The following RAB3C variants were observed in gnomAD, a reference collection of about 807,000 sequenced individuals.
The protein encoded by RAB3C is ras-related protein Rab-3C.
A neutral mutation model predicts 26.4 loss-of-function variants in RAB3C; 17 were observed. The observed-to-expected ratio is 0.64, with a 90% CI of 0.44 to 0.97. The LOEUF (loss-of-function observed/expected upper bound fraction) is 0.97. Among genes scored for constraint, RAB3C ranks in the 50% least tolerant of loss-of-function variants. RAB3C has a pLI of 0.00. For missense variants in RAB3C, 242 were observed against 281.9 expected (o/e 0.86, Z 1.01); for synonymous variants, 91 against 95.9 (o/e 0.95, Z 0.30).
chr5:58,812,437 C>G lies in RAB3C; in HGVS notation c.372-12601C>G, dbSNP rs538008204. On this transcript the variant is annotated intron_variant, in intron 3 of 4. Coordinates refer to ENST00000282878, the MANE Select transcript of RAB3C (RefSeq NM_138453.4). Reference sequence around the variant, plus strand: ...CAGGAGTAGGTTTTAGCAAACTTTCCAGGTGATTCTAATGCCTGCTAAAGT... The same window carrying G: ...CAGGAGTAGGTTTTAGCAAACTTTCGAGGTGATTCTAATGCCTGCTAAAGT... Among the ~76,000 whole-genome samples, 98 of 152,264 alleles carry G rather than the reference C, an allele frequency of 6.4e-4. 3 individuals carry two copies. The South Asian group carries it at 0.02, about 31-fold the overall frequency.
At chr5:58,807,674 G>T (rs1314377009) in intron 3 of RAB3C, among the ~76,000 whole-genome samples, 1 of 151,968 alleles carries the variant, frequency 6.6e-6, no homozygotes, top group Non-Finnish European at 1.5e-5. Context: ...TGGTGGGGGG[G>T]CAAAACATAT....
chr5:58,735,866 A>T (rs1422576516), intron 3 of RAB3C, among the ~76,000 whole-genome samples: 1 of 152,120 alleles, frequency 6.6e-6, no homozygotes, highest in Non-Finnish European at 1.5e-5. Flanking sequence ...ATTGTTATAC[A>T]TTCCTAATAC....
chr5:58,668,195 C>G (rs1748039726), intron 2 of RAB3C, among the ~76,000 whole-genome samples: 1 of 152,112 alleles, frequency 6.6e-6, no homozygotes, highest in Non-Finnish European at 1.5e-5. Context: ...AAAAATCTGT[C>G]TGTGCTGTCA....
At chr5:58,747,700 A>G (rs1484023808) in intron 3 of RAB3C, among the ~76,000 whole-genome samples, 1 of 151,654 alleles carries the variant, frequency 6.6e-6, no homozygotes, top group African/African-American at 2.4e-5. Flanking sequence ...TATTATTATT[A>G]TTCTTTCTGT....
intron 4 of RAB3C, among the ~76,000 whole-genome samples, chr5:58,835,437 C>T (rs1192070869): frequency 4.6e-5 from 7 of 152,174 alleles, no homozygotes; most frequent in Admixed American, 4.6e-4. Context: ...TGAAGAGCTT[C>T]CAAAGCCCCA....
At chr5:58,761,901 C>T (rs114220750) in intron 3 of RAB3C, among the ~76,000 whole-genome samples, 2,105 of 151,824 alleles carry the variant, frequency 0.014, 33 homozygotes, top group African/African-American at 0.049. Flanking sequence ...TTATTTTTCT[C>T]TAGCATAGAT....
intron 4 of RAB3C, among the ~76,000 whole-genome samples, chr5:58,829,028 C>T (rs1201777778): frequency 6.6e-6 from 1 of 151,726 alleles, no homozygotes; most frequent in East Asian, 1.9e-4. Flanking sequence ...CTCAGCCTCC[C>T]AAGTAGCTGG....
chr5:58,736,258 A>G (rs1741131996), intron 3 of RAB3C, among the ~76,000 whole-genome samples: 1 of 152,188 alleles, frequency 6.6e-6, no homozygotes, highest in South Asian at 2.1e-4. Flanking sequence ...GGTTTAGCTC[A>G]TAGTAACCTT....
chr5:58,633,438 C>T (rs989021852), intron 2 of RAB3C, among the ~76,000 whole-genome samples: 14 of 152,040 alleles, frequency 9.2e-5, no homozygotes, highest in African/African-American at 3.4e-4. Flanking sequence ...GGGAATCTGC[C>T]GTAACTCTAA....
At chr5:58,758,128 T>A (rs1466912143) in intron 3 of RAB3C, among the ~76,000 whole-genome samples, 1 of 152,036 alleles carries the variant, frequency 6.6e-6, no homozygotes, top group Non-Finnish European at 1.5e-5. Context: ...TTTTTTTTAG[T>A]AGAGATGGGG....
At chr5:58,797,766 GC>G (rs1224791735) in intron 3 of RAB3C, among the ~76,000 whole-genome samples, 1 of 151,960 alleles carries the variant, frequency 6.6e-6, no homozygotes, top group Admixed American at 6.6e-5. Flanking sequence ...TTAACCACAG[GC>G]CTACAGGACA....
intron 3 of RAB3C, among the ~76,000 whole-genome samples, chr5:58,811,147 A>G (rs56753178): frequency 0.01 from 1,571 of 152,338 alleles, 31 homozygotes; most frequent in African/African-American, 0.036. Flanking sequence ...AGCTGAACCC[A>G]TTACAGGATG....
Position 58,636,135 on chromosome 5 carries a change from C to T in RAB3C, c.252+18265C>T, listed in dbSNP as rs529577166. ...TTTTGGCTCCACCCCAGCTTGAAAA[C>T]CAATCCTTCTTGGATGAAGAGAATA... On this transcript the variant is annotated intron_variant, in intron 2 of 4. Coordinates refer to ENST00000282878, the MANE Select transcript of RAB3C (RefSeq NM_138453.4). Among the ~76,000 whole-genome samples, 3 of 152,292 alleles carry T rather than the reference C, an allele frequency of 2.0e-5. No individual in the cohort carries two copies. The South Asian group carries it at 6.2e-4, about 32-fold the overall frequency.
intron 4 of RAB3C, 58 bp from the exon 5 acceptor site, chr5:58,851,106 C>G: frequency 1.3e-6 from 2 of 1,493,806 alleles, no homozygotes; most frequent in South Asian, 2.6e-5. Context: ...ATAATCAAGT[C>G]CCATTTAATT....
chr5:58,686,702 A>C (rs1748451908), intron 2 of RAB3C, among the ~76,000 whole-genome samples: 1 of 151,866 alleles, frequency 6.6e-6, no homozygotes. Context: ...ATACACACAC[A>C]CACACACACG....
At chr5:58,674,550 T>C (rs1370922560) in intron 2 of RAB3C, among the ~76,000 whole-genome samples, 4 of 152,244 alleles carry the variant, frequency 2.6e-5, no homozygotes, top group Non-Finnish European at 4.4e-5. Flanking sequence ...GAAAAGTATA[T>C]GGATGACTGT....
chr5:58,799,493 C>T (rs1171541710), intron 3 of RAB3C, among the ~76,000 whole-genome samples: 1 of 152,116 alleles, frequency 6.6e-6, no homozygotes, highest in Non-Finnish European at 1.5e-5. Flanking sequence ...ACTCTACTAA[C>T]CCCTTCAATA....
At chr5:58,747,806 A>C (rs1367881915) in intron 3 of RAB3C, among the ~76,000 whole-genome samples, 1 of 151,796 alleles carries the variant, frequency 6.6e-6, no homozygotes, top group Non-Finnish European at 1.5e-5. Context: ...AACAGCAAGG[A>C]TTACAATTAA....
chr5:58,582,427 A>G (rs931886765), upstream of RAB3C: 1 of 985,272 alleles, frequency 1.0e-6, no homozygotes, highest in Admixed American at 6.1e-5. Flanking sequence ...AAGCAGGCGA[A>G]AGGAGTTCCT....
Sources: allele counts gnomAD v4.1 joint callset (sites outside exome capture counted in the v4.1 genomes callset), GRCh38; gene constraint gnomAD v4.1.1; transcripts MANE v1.5; gene names NCBI Gene and HGNC (gene_info 2026-07-23, HGNC 2026-07-21).